The following ACAA2 variants were observed in gnomAD, a reference collection of about 807,000 sequenced individuals.
ACAA2 encodes 3-ketoacyl-CoA thiolase, mitochondrial.
Under a neutral mutation model 44.8 loss-of-function variants are expected in ACAA2, and 35 were observed. That is an observed-to-expected ratio of 0.78 (90% CI 0.60 to 1.04). The LOEUF is 1.04. Ranked by LOEUF, ACAA2 falls within the 50% of genes least tolerant of loss-of-function variation. ACAA2 has a pLI of 0.00. For synonymous variants in ACAA2, 142 were observed against 166.5 expected (o/e 0.85, Z 1.13); for missense variants, 468 against 482.6 (o/e 0.97, Z 0.28).
intron 7 of ACAA2, among the ~76,000 whole-genome samples, chr18:49,790,759 C>T (rs754348670): frequency 2.0e-5 from 3 of 152,174 alleles, no homozygotes; most frequent in Non-Finnish European, 4.4e-5. Flanking sequence ...TAAGCCAAGA[C>T]TATACATGTT....
chr18:49,808,671 G>C (rs1448738044), intron 1 of ACAA2, among the ~76,000 whole-genome samples: 1 of 152,064 alleles, frequency 6.6e-6, no homozygotes, highest in East Asian at 1.9e-4. Flanking sequence ...ACAGGGAGTA[G>C]GTCACAAAGA....
At chr18:49,784,070 A>ATAAT in intron 9 of ACAA2, 139 bp from the exon 10 acceptor site, 2 of 733,958 alleles carry the variant, frequency 2.7e-6, no homozygotes. Flanking sequence ...CAATTTTGGT[A>ATAAT]TAATTACAAC....
Position 49,791,596 on chromosome 18 carries a change from C to T in ACAA2, c.757G>A (p.Val253Ile), listed in dbSNP as rs377532103. 1.7e-5 allele frequency: 28 copies of T among 1,612,702 alleles called. No homozygotes were observed. The highest frequency in any genetic ancestry group is 1.3e-4 in the African/African-American group (10 of 74,842). ...GTVTAGNASG[V>I]ADGAGAVIIA... ...ATAACAGCTCCAGCACCATCAGCTA[C>T]ACCCTTGAAAATAAAAATACTAGAT... Residue 253 changes from valine to isoleucine, a missense_variant, in exon 7 of 10, where the codon GTA becomes ATA. Coordinates refer to ENST00000285093, the MANE Select transcript of ACAA2 (RefSeq NM_006111.3).
chr18:49,789,184 C>A (rs547595912), intron 7 of ACAA2, among the ~76,000 whole-genome samples: 1 of 151,890 alleles, frequency 6.6e-6, no homozygotes, highest in African/African-American at 2.4e-5. Context: ...TGGCTTTCCC[C>A]GTTTTTTTTT....
intron 1 of ACAA2, among the ~76,000 whole-genome samples, chr18:49,811,897 CAA>C (rs1473854848): frequency 6.6e-6 from 1 of 152,142 alleles, no homozygotes; most frequent in Non-Finnish European, 1.5e-5. Context: ...ATACAGGTGT[CAA>C]TGTGCATTTT....
chr18:49,800,866 C>A (rs1001122807), intron 2 of ACAA2, among the ~76,000 whole-genome samples: 1 of 137,876 alleles, frequency 7.3e-6, no homozygotes, highest in African/African-American at 2.8e-5. Context: ...TCCCCCTCTG[C>A]GAGAAACACC....
chr18:49,787,218 A>G, intron 8 of ACAA2, 73 bp downstream of exon 8: 2 of 1,218,094 alleles, frequency 1.6e-6, no homozygotes, highest in Non-Finnish European at 1.1e-6. Context: ...GACCAAATTA[A>G]AGTCATTTAT....
intron 5 of ACAA2, among the ~76,000 whole-genome samples, chr18:49,792,956 A>T (rs1320416802): frequency 6.6e-6 from 1 of 152,308 alleles, no homozygotes; most frequent in African/African-American, 2.4e-5. Context: ...TTATATTTTT[A>T]AAAATTATAT....
chr18:49,797,859 AGT>A (rs2023483361), intron 2 of ACAA2, among the ~76,000 whole-genome samples: 1 of 152,162 alleles, frequency 6.6e-6, no homozygotes, highest in Non-Finnish European at 1.5e-5. Context: ...ACCATTTTTA[AGT>A]GTATAGTTCA....
rs1189799828 is a variant in ACAA2 at position 49,782,449 on chromosome 18, CTATTATTTAACATCTAG to C, written c.*1381_*1397del. 2.0e-5 allele frequency: 3 copies of C among 149,684 alleles called. No individual in the cohort carries two copies. The highest frequency in any genetic ancestry group is 6.7e-5 in the Admixed American group (1 of 14,872). 9.3% of individuals were successfully genotyped at this position (149,684 alleles called of 1,614,324 possible). The stretch of plus-strand genomic sequence containing the variant: ...GGAAACAGTGTAGGTACTTATGATA[CTATTATTTAACATCTAG>C]TATTATTTAACATCTATTATTCAGT... On this transcript the variant is annotated 3_prime_UTR_variant, in exon 10 of 10. Transcript: ENST00000285093.
At chr18:49,786,248 G>C (rs2023327814) in intron 8 of ACAA2, 1 of 152,160 alleles carries the variant, frequency 6.6e-6, no homozygotes, top group South Asian at 2.1e-4. Context: ...GGTACTAAGA[G>C]ACCTAGAATA....
At chr18:49,799,554 T>C (rs2023507377) in intron 2 of ACAA2, among the ~76,000 whole-genome samples, 1 of 152,156 alleles carries the variant, frequency 6.6e-6, no homozygotes, top group Admixed American at 6.5e-5. Context: ...TGGCGTGATC[T>C]CTGCTCGCTA....
intron 2 of ACAA2, among the ~76,000 whole-genome samples, chr18:49,798,655 AC>A (rs945768960): frequency 7.9e-5 from 12 of 152,294 alleles, no homozygotes; most frequent in African/African-American, 2.9e-4. Context: ...TCAAAACTTG[AC>A]AAATTCGGCA....
At position 49,783,150 on chromosome 18, in the gene ACAA2, G is replaced by A. The variant is rs1206510840; in HGVS notation, c.*697C>T. ...AATTCTGACACATGCTACACCATAA[G>A]GTGGATGAATCTTGAGAACATTATA... On this transcript the variant is annotated 3_prime_UTR_variant, in exon 10 of 10. Transcript: ENST00000285093. The A allele has an allele frequency of 6.6e-5, 10 of 152,246 alleles. No homozygotes were observed. Among genetic ancestry groups the A allele is most frequent in the Admixed American group, 6.5e-4 (10 of 15,274 alleles). 9.4% of individuals were successfully genotyped at this position (152,246 alleles called of 1,614,324 possible).
chr18:49,783,996 A>G, intron 9 of ACAA2, 65 bp from the exon 10 acceptor site: 1 of 1,271,760 alleles, frequency 7.9e-7, no homozygotes, highest in South Asian at 1.2e-5. Context: ...AATAGAACTA[A>G]TAACATCACA....
At chr18:49,800,599 C>T (rs1186187118) in intron 2 of ACAA2, among the ~76,000 whole-genome samples, 1 of 152,156 alleles carries the variant, frequency 6.6e-6, no homozygotes, top group South Asian at 2.1e-4. Context: ...GACCTTACCC[C>T]CAACCCCGTG....
In ACAA2 at chr18:49,792,276, G is replaced by A; in HGVS notation, c.629C>T (p.Thr210Ile). 1 of 1,613,766 alleles carries A rather than the reference G, an allele frequency of 6.2e-7. No individual in the cohort carries two copies. The highest frequency in any genetic ancestry group is 8.5e-7 in the Non-Finnish European group (1 of 1,179,890). ...NDEMAPIEVK[T>I]KKGKQTMQVD... ...CTGCATTGTCTGTTTTCCTTTCTTT[G>A]TCTTCACTTCAATTGGTGCCATTTC... is the stretch of plus-strand genomic sequence containing the variant. Residue 210 changes from threonine to isoleucine, a missense_variant, in exon 6 of 10, where the codon ACA becomes ATA. Thr to Ile is a moderately conservative substitution (Grantham distance 89, BLOSUM62 -1). Transcript: ENST00000285093.
chr18:49,813,369 C>T (rs1251007661), intron 1 of ACAA2, 100 bp downstream of exon 1: 5 of 982,656 alleles, frequency 5.1e-6, no homozygotes, highest in Non-Finnish European at 6.6e-6. Context: ...GTGAACTTCA[C>T]CCCACGACCC....
chr18:49,797,324 G>T (rs1438929261), intron 3 of ACAA2, 142 bp downstream of exon 3: 2 of 565,290 alleles, frequency 3.5e-6, no homozygotes, highest in Non-Finnish European at 5.8e-6. Context: ...CATGGCTGGA[G>T]TGCAGTGGTA....
Sources: gnomAD v4.1 joint callset for allele counts (sites outside exome capture counted in the v4.1 genomes callset) on GRCh38, gnomAD v4.1.1 for gene constraint, MANE v1.5 for transcripts, NCBI Gene and HGNC (gene_info 2026-07-23, HGNC 2026-07-21) for gene names.